The following PRKD1 variants were observed in gnomAD, a reference collection of about 807,000 sequenced individuals.
The protein encoded by PRKD1 is protein kinase D1, also known as serine/threonine-protein kinase D1.
In PRKD1, 63 loss-of-function variants were observed where a neutral mutation model predicts 95.9. That is an observed-to-expected ratio of 0.66 (90% CI 0.54 to 0.81). PRKD1 has a LOEUF of 0.81. Ranked by LOEUF, PRKD1 falls within the 30% of genes least tolerant of loss-of-function variation. The pLI is 0.00. For synonymous variants in PRKD1, 425 were observed against 423.1 expected (o/e 1.00, Z -0.05); for missense variants, 1,048 against 1,165.3 (o/e 0.90, Z 1.47).
chr14:29,703,376 G>T (rs936102451), intron 2 of PRKD1, among the ~76,000 whole-genome samples: 1 of 152,182 alleles, frequency 6.6e-6, no homozygotes. Context: ...TGTTTGGTAG[G>T]CAGACTGTGT....
chr14:29,829,422 T>C (rs550532254), intron 1 of PRKD1, among the ~76,000 whole-genome samples: 3 of 152,356 alleles, frequency 2.0e-5, no homozygotes, highest in South Asian at 2.1e-4. Context: ...AAGTAGGATA[T>C]AAAATTAACT....
At chr14:29,760,646 C>T (rs1025219336) in intron 1 of PRKD1, among the ~76,000 whole-genome samples, 3 of 152,072 alleles carry the variant, frequency 2.0e-5, no homozygotes, top group Non-Finnish European at 4.4e-5. Flanking sequence ...AGCCACCACG[C>T]CTGCCTTTTC....
intron 4 of PRKD1, among the ~76,000 whole-genome samples, chr14:29,647,885 A>G (rs1031302783): frequency 2.0e-5 from 3 of 152,210 alleles, no homozygotes; most frequent in Non-Finnish European, 4.4e-5. Flanking sequence ...TAAGCAGTTT[A>G]TGGTGGGAAC....
intron 1 of PRKD1, among the ~76,000 whole-genome samples, chr14:29,761,827 G>A (rs1403357314): frequency 6.9e-6 from 1 of 145,408 alleles, no homozygotes; most frequent in Non-Finnish European, 1.5e-5. Context: ...CTGTTGCTCA[G>A]GCTGGACTGC....
chr14:29,894,115 A>G (rs1894035096), intron 1 of PRKD1, among the ~76,000 whole-genome samples: 1 of 152,180 alleles, frequency 6.6e-6, no homozygotes, highest in Non-Finnish European at 1.5e-5. Flanking sequence ...AAGTGATGTT[A>G]AAGTTGAGAC....
At chr14:29,911,610 A>G (rs2139447400) in intron 1 of PRKD1, among the ~76,000 whole-genome samples, 1 of 152,332 alleles carries the variant, frequency 6.6e-6, no homozygotes, top group East Asian at 1.9e-4. Flanking sequence ...CAAAATATTA[A>G]CTATATTTAA....
chr14:29,725,358 A>G (rs1886087892), intron 2 of PRKD1, among the ~76,000 whole-genome samples, 178 bp downstream of exon 2: 1 of 152,198 alleles, frequency 6.6e-6, no homozygotes, highest in Non-Finnish European at 1.5e-5. Context: ...GGGTGTGGAC[A>G]CAGCCAATTA....
chr14:29,609,638 T>A (rs1202120107), intron 13 of PRKD1, among the ~76,000 whole-genome samples: 1 of 151,230 alleles, frequency 6.6e-6, no homozygotes, highest in African/African-American at 2.4e-5. Flanking sequence ...CCTCCCAGGC[T>A]CAAGGAATTC....
At chr14:29,861,705 T>G (rs1198234501) in intron 1 of PRKD1, among the ~76,000 whole-genome samples, 1 of 152,100 alleles carries the variant, frequency 6.6e-6, no homozygotes, top group Non-Finnish European at 1.5e-5. Context: ...CAGGCTGGAG[T>G]GCTGTGATGT....
chr14:29,737,660 A>G (rs1178540490), intron 1 of PRKD1, among the ~76,000 whole-genome samples: 1 of 152,178 alleles, frequency 6.6e-6, no homozygotes, highest in African/African-American at 2.4e-5. Context: ...CGTGTGATCA[A>G]GTGTTCTAAC....
intron 13 of PRKD1, among the ~76,000 whole-genome samples, chr14:29,611,914 C>G (rs960215874): frequency 6.6e-6 from 1 of 152,062 alleles, no homozygotes; most frequent in African/African-American, 2.4e-5. Flanking sequence ...TGGCTGGAAA[C>G]AGTAACACAA....
chr14:29,895,287 A>T (rs1220091384), intron 1 of PRKD1, among the ~76,000 whole-genome samples: 1 of 152,204 alleles, frequency 6.6e-6, no homozygotes, highest in Non-Finnish European at 1.5e-5. Flanking sequence ...ACTGCACCCC[A>T]GCCTGGGCGA....
intron 11 of PRKD1, among the ~76,000 whole-genome samples, 188 bp downstream of exon 11, chr14:29,628,853 T>C (rs1214097253): frequency 1.4e-5 from 2 of 145,702 alleles, no homozygotes; most frequent in African/African-American, 2.7e-5. Flanking sequence ...CATTACAGAA[T>C]TGATTATAGA....
chr14:29,744,210 T>A lies in PRKD1; in HGVS notation c.265-18536A>T, dbSNP rs191778121. On this transcript the variant is annotated intron_variant, in intron 1 of 17. Coordinates refer to ENST00000331968, the MANE Select transcript of PRKD1 (RefSeq NM_002742.3). Reference sequence around the variant, plus strand: ...CTACAAGGTATCACATATTAACATGTTCAGAACAGAACTCTTAATTATCAG... The same window carrying A: ...CTACAAGGTATCACATATTAACATGATCAGAACAGAACTCTTAATTATCAG... Among the ~76,000 whole-genome samples, 27 of 152,292 alleles carry A rather than the reference T, an allele frequency of 1.8e-4. No individual in the cohort carries two copies. The East Asian group carries it at 5.2e-3, about 29-fold the overall frequency.
At chr14:29,855,832 GCTCT>G (rs1566638773) in intron 1 of PRKD1, among the ~76,000 whole-genome samples, 1 of 152,084 alleles carries the variant, frequency 6.6e-6, no homozygotes, top group Admixed American at 6.6e-5. Context: ...CCCTGCACAA[GCTCT>G]CTCTCTTTGC....
chr14:29,710,379 T>C (rs1296821546), intron 2 of PRKD1, among the ~76,000 whole-genome samples: 1 of 152,148 alleles, frequency 6.6e-6, no homozygotes, highest in Non-Finnish European at 1.5e-5. Context: ...TGTACCCCTA[T>C]GTGACGTGAT....
intron 2 of PRKD1, among the ~76,000 whole-genome samples, chr14:29,711,092 G>T (rs1026184202): frequency 1.3e-5 from 2 of 152,082 alleles, no homozygotes; most frequent in African/African-American, 4.8e-5. Context: ...CAAGACTGCT[G>T]TTGACCTTGA....
intron 1 of PRKD1, among the ~76,000 whole-genome samples, chr14:29,826,804 CATATAT>C (rs1303314668): frequency 6.0e-5 from 2 of 33,504 alleles, no homozygotes; most frequent in African/African-American, 2.2e-4. Context: ...TATATATACA[CATATAT>C]ATACACATAT....
intron 2 of PRKD1, among the ~76,000 whole-genome samples, chr14:29,718,076 G>T (rs1377038987): frequency 6.6e-6 from 1 of 152,158 alleles, no homozygotes; most frequent in Non-Finnish European, 1.5e-5. Flanking sequence ...ATTCCAATCT[G>T]CTTGCTGTCT....
Sources: allele counts gnomAD v4.1 joint callset (sites outside exome capture counted in the v4.1 genomes callset), GRCh38; gene constraint gnomAD v4.1.1; transcripts MANE v1.5; gene names NCBI Gene and HGNC (gene_info 2026-07-23, HGNC 2026-07-21).